The following MANBA variants were observed in gnomAD, a reference collection of about 807,000 sequenced individuals.
The protein encoded by MANBA is beta-mannosidase.
Under a neutral mutation model 111.1 loss-of-function variants are expected in MANBA, and 83 were observed. The ratio of observed to expected loss-of-function variants is 0.75; its 90% CI spans 0.63 to 0.90. MANBA has a LOEUF of 0.90. Among genes scored for constraint, MANBA ranks in the 40% least tolerant of loss-of-function variants. The pLI is 0.00. For missense variants in MANBA, 1,036 were observed against 1,069.0 expected, an observed-to-expected ratio of 0.97 and a Z score of 0.43; for synonymous variants, 370 against 378.7, an observed-to-expected ratio of 0.98 and a Z score of 0.27.
intron 11 of MANBA, among the ~76,000 whole-genome samples, chr4:102,660,564 T>C (rs1578878631): frequency 6.6e-6 from 1 of 151,784 alleles, no homozygotes; most frequent in Admixed American, 6.6e-5. Flanking sequence ...AAAATAAGCC[T>C]CCCGCCTCAG....
intron 1 of MANBA, among the ~76,000 whole-genome samples, chr4:102,755,380 C>A (rs1723970701): frequency 6.6e-6 from 1 of 152,162 alleles, no homozygotes; most frequent in African/African-American, 2.4e-5. Context: ...AAAGGATTCC[C>A]TATTTAATAA....
chr4:102,672,278 T>A (rs1165456392), intron 8 of MANBA: 2 of 389,852 alleles, frequency 5.1e-6, no homozygotes, highest in Non-Finnish European at 9.0e-6. Flanking sequence ...TATACATTTG[T>A]AAATATGCTA....
intron 1 of MANBA, among the ~76,000 whole-genome samples, chr4:102,745,402 G>A (rs1026602101): frequency 1.3e-5 from 2 of 152,138 alleles, no homozygotes; most frequent in South Asian, 2.1e-4. Flanking sequence ...CTGACATACA[G>A]AGAAGAGCAA....
chr4:102,760,265 C>T (rs1317641771), intron 1 of MANBA, among the ~76,000 whole-genome samples: 2 of 152,172 alleles, frequency 1.3e-5, no homozygotes, highest in African/African-American at 4.8e-5. Context: ...ATCTGACTCC[C>T]TGACGCTTAA....
At chr4:102,756,335 GA>G (rs567744877) in intron 1 of MANBA, among the ~76,000 whole-genome samples, 2,202 of 152,312 alleles carry the variant, frequency 0.014, 25 homozygotes, top group South Asian at 0.022. Context: ...GGACATGGAT[GA>G]AGCTGCAAAC....
intron 5 of MANBA, among the ~76,000 whole-genome samples, chr4:102,693,026 T>C (rs549341399): frequency 5.3e-5 from 8 of 152,310 alleles, no homozygotes; most frequent in Admixed American, 1.3e-4. Context: ...TTGATGCACA[T>C]TGAAGTAAAA....
chr4:102,719,996 T>C (rs1034680975), intron 4 of MANBA, among the ~76,000 whole-genome samples: 11 of 152,362 alleles, frequency 7.2e-5, no homozygotes, highest in African/African-American at 2.6e-4. Context: ...CTTGAGAGTA[T>C]GTTTTAAATG....
intron 7 of MANBA, among the ~76,000 whole-genome samples, chr4:102,681,308 G>A (rs1295069883): frequency 2.0e-5 from 3 of 152,098 alleles, no homozygotes; most frequent in African/African-American, 4.8e-5. Context: ...AGCAGCCTGG[G>A]TGACAGAGTG....
rs1316513501 is a variant in MANBA, at chr4:102,669,975, G to A, written c.1231-926C>T. Among the ~76,000 whole-genome samples, 5 of 150,914 alleles carry A rather than the reference G, an allele frequency of 3.3e-5. No homozygotes were observed. In the South Asian group the frequency reaches 6.3e-4, roughly 19 times the overall value. ...AGCCTGGGTGACAGAGCAAGACTCC[G>A]TCTCAAAAAAAAAAGAAAGAAATAT... On this transcript the variant is annotated intron_variant, in intron 9 of 16. Coordinates refer to ENST00000647097, the MANE Select transcript of MANBA (RefSeq NM_005908.4).
chr4:102,634,645 A>C, intron 16 of MANBA, 143 bp downstream of exon 16: 1 of 1,104,168 alleles, frequency 9.1e-7, no homozygotes, highest in Non-Finnish European at 1.4e-6. Flanking sequence ...TTTAGTGGGA[A>C]GAGGCCAATC....
chr4:102,708,626 TAGA>T (rs1721864326), intron 5 of MANBA, among the ~76,000 whole-genome samples: 1 of 151,024 alleles, frequency 6.6e-6, no homozygotes, highest in African/African-American at 2.4e-5. Context: ...AATCCAAAAT[TAGA>T]AGAAGAAAAG....
rs1210630952 is a variant in MANBA, at chr4:102,635,044, A to G, written c.2159T>C (p.Val720Ala). Residue 720 changes from valine to alanine, a missense_variant and splice_region_variant, in exon 16 of 17, where the codon GTG becomes GCG. Coordinates refer to ENST00000647097, the MANE Select transcript of MANBA (RefSeq NM_005908.4). ...CAGGGAGCTCCATGTATGGACTCTC[A>G]CCTGGGGAGAAATAAAACAGAATAA... ...LHSDYSMTLS[V>A]RVHTWSSLEP... 1 of 1,614,046 alleles carries G rather than the reference A, an allele frequency of 6.2e-7. No homozygotes were observed. The highest frequency in any genetic ancestry group is 1.3e-5 in the African/African-American group (1 of 75,038).
At chr4:102,747,158 G>GATATATATATATATATAT (rs144093849) in intron 1 of MANBA, among the ~76,000 whole-genome samples, 2 of 145,410 alleles carry the variant, frequency 1.4e-5, no homozygotes, top group African/African-American at 5.4e-5. Context: ...GAACTAATGG[G>GATATATATATATATATAT]ATATATATAT....
chr4:102,729,855 A>G (rs1385371339), intron 1 of MANBA: 20 of 1,461,716 alleles, frequency 1.4e-5, no homozygotes, highest in Non-Finnish European at 1.9e-5. Flanking sequence ...TACCTTGTCT[A>G]TGAAGGAGGC....
At chr4:102,658,433 C>T (rs1487066647) in intron 11 of MANBA, among the ~76,000 whole-genome samples, 1 of 152,198 alleles carries the variant, frequency 6.6e-6, no homozygotes, top group East Asian at 1.9e-4. Context: ...CAGGTAAGAA[C>T]AGAAGCTACT....
intron 1 of MANBA, chr4:102,729,667 G>T: frequency 1.3e-6 from 2 of 1,510,672 alleles, no homozygotes; most frequent in Non-Finnish European, 1.8e-6. Flanking sequence ...ACCAGCCCGG[G>T]CATGTTGCCA....
intron 1 of MANBA, among the ~76,000 whole-genome samples, chr4:102,756,904 T>C (rs1348348819): frequency 6.6e-6 from 1 of 151,812 alleles, no homozygotes; most frequent in Non-Finnish European, 1.5e-5. Flanking sequence ...CCTTTATGTA[T>C]GCACTTAACA....
In MANBA at chr4:102,650,565, G is replaced by A. The variant is rs760589658; in HGVS notation, c.1841C>T (p.Thr614Ile). 2 of 1,613,374 alleles carry A rather than the reference G, an allele frequency of 1.2e-6. No individual in the cohort carries two copies. Among genetic ancestry groups the A allele is most frequent in the South Asian group, 2.2e-5 (2 of 91,076 alleles). ...KLPQSTDPLR[T>I]FKDTIYLTQV... ...AGTAAGGTAGATGGTATCTTTAAAT[G>A]TGCGTAATGGATCTGTGCTTTGGGG... Residue 614 changes from threonine (T) to isoleucine (I), a missense_variant, in exon 13 of 17, where the codon ACA becomes ATA. By Grantham distance (89) the Thr-to-Ile change is moderately conservative. Transcript: ENST00000647097.
intron 1 of MANBA, among the ~76,000 whole-genome samples, chr4:102,745,384 C>T (rs568583278): frequency 1.3e-5 from 2 of 152,108 alleles, no homozygotes; most frequent in African/African-American, 2.4e-5. Flanking sequence ...TTGTTCCCAC[C>T]GTTAGATCTG....
Sources: allele counts gnomAD v4.1 joint callset (sites outside exome capture counted in the v4.1 genomes callset), GRCh38; gene constraint gnomAD v4.1.1; transcripts MANE v1.5; gene names NCBI Gene and HGNC (gene_info 2026-07-23, HGNC 2026-07-21).